The following TWIST2 variants were observed in gnomAD, a reference collection of about 807,000 sequenced individuals.
TWIST2 encodes the protein twist-related protein 2.
TWIST2 carries 1 observed loss-of-function variant against 11.6 expected under a neutral mutation model. The ratio of observed to expected loss-of-function variants is 0.09; its 90% CI spans 0.03 to 0.41. TWIST2 has a LOEUF of 0.41. Ranked by LOEUF, TWIST2 falls within the 10% of genes least tolerant of loss-of-function variation. TWIST2 has a pLI of 0.98. For synonymous variants in TWIST2, 87 were observed against 96.6 expected, an observed-to-expected ratio of 0.90 and a Z score of 0.58; for missense variants, 168 against 226.4, an observed-to-expected ratio of 0.74 and a Z score of 1.66.
At chr2:238,856,157 G>A (rs143838717) in intron 1 of TWIST2, among the ~76,000 whole-genome samples, 16 of 152,240 alleles carry the variant, frequency 1.1e-4, no homozygotes, top group East Asian at 5.8e-4. Flanking sequence ...TTGAGGTCCC[G>A]TCTTGTGTGA....
At chr2:238,899,446 C>G (rs1287782020) in intron 1 of TWIST2, among the ~76,000 whole-genome samples, 3 of 152,320 alleles carry the variant, frequency 2.0e-5, no homozygotes, top group Admixed American at 1.3e-4. Context: ...CCTATTGTTA[C>G]CCTCACTTGG....
chr2:238,853,448 G>GGAGAGAGAGAGAGAGAGAGAGAGAGAGA (rs375821278), intron 1 of TWIST2, among the ~76,000 whole-genome samples: 1 of 130,634 alleles, frequency 7.7e-6, no homozygotes, highest in Non-Finnish European at 1.6e-5. Context: ...AGGGAGAGAT[G>GGAGAGAGAGAGAGAGAGAGAGAGAGAGA]GAGAGAGAGA....
intron 1 of TWIST2, among the ~76,000 whole-genome samples, chr2:238,880,521 T>C (rs1032628497): frequency 1.0e-5 from 1 of 95,576 alleles, no homozygotes; most frequent in Non-Finnish European, 2.1e-5. Context: ...TATTAGTGTG[T>C]TAGTATTGGT....
rs1042274233 is a variant in TWIST2, at chr2:238,864,273, G to C, written c.*35+15540G>C. ...ACACCCCAAGCACGCGACTGTGAGC[G>C]GCGATCGGGGCCTGATCCTCAGTTC... On this transcript the variant is annotated intron_variant, in intron 1 of 1. Transcript: ENST00000612363. This position sits in a 1 kb window ranked among gnomAD's most constrained non-coding sequence, Gnocchi z 4.7. Among the ~76,000 whole-genome samples the C allele has an allele frequency of 1.3e-5, 2 of 152,174 alleles. No homozygotes were observed. The highest frequency in any genetic ancestry group is 2.9e-5 in the Non-Finnish European group (2 of 68,044).
chr2:238,888,696 C>A (rs1693081785), intron 1 of TWIST2, among the ~76,000 whole-genome samples: 1 of 152,160 alleles, frequency 6.6e-6, no homozygotes, highest in Non-Finnish European at 1.5e-5. Context: ...TTGTAGCAAG[C>A]ATTTGGAGAC....
chr2:238,861,032 G>A (rs1418775098), intron 1 of TWIST2, among the ~76,000 whole-genome samples: 1 of 152,188 alleles, frequency 6.6e-6, no homozygotes. Flanking sequence ...CACCAGGGAG[G>A]AGGTGCAAAG....
intron 1 of TWIST2, among the ~76,000 whole-genome samples, chr2:238,897,921 G>A (rs1278276523): frequency 6.6e-6 from 1 of 152,208 alleles, no homozygotes; most frequent in African/African-American, 2.4e-5. Flanking sequence ...GTCTCCATGG[G>A]GCCTGCTGCT....
At chr2:238,856,989 C>G (rs1692343067) in intron 1 of TWIST2, among the ~76,000 whole-genome samples, 1 of 152,184 alleles carries the variant, frequency 6.6e-6, no homozygotes. Flanking sequence ...GGCCGTGTCT[C>G]TGAGGGGCCT....
intron 1 of TWIST2, among the ~76,000 whole-genome samples, chr2:238,892,638 G>A (rs989061958): frequency 2.6e-5 from 2 of 76,506 alleles, no homozygotes; most frequent in Non-Finnish European, 6.4e-5. Flanking sequence ...CCACCACCAC[G>A]CCTGGCTAAT....
chr2:238,896,482 C>T (rs1317472569), intron 1 of TWIST2, among the ~76,000 whole-genome samples: 4 of 152,262 alleles, frequency 2.6e-5, no homozygotes, highest in South Asian at 2.1e-4. Flanking sequence ...GGCACAGAAA[C>T]GTGGGGTGGG....
intron 1 of TWIST2, among the ~76,000 whole-genome samples, chr2:238,906,816 T>G (rs1227164533): frequency 6.6e-6 from 1 of 152,190 alleles, no homozygotes; most frequent in Non-Finnish European, 1.5e-5. Flanking sequence ...CATGCCTGCC[T>G]CTGGGCTGAC....
At chr2:238,870,647 G>C (rs1381758246) in intron 1 of TWIST2, among the ~76,000 whole-genome samples, 3 of 16,630 alleles carry the variant, frequency 1.8e-4, no homozygotes, top group African/African-American at 2.9e-4. Context: ...CACACACACA[G>C]CACACACCAC....
intron 1 of TWIST2, among the ~76,000 whole-genome samples, chr2:238,899,133 C>A (rs1693240792): frequency 6.6e-6 from 1 of 152,264 alleles, no homozygotes; most frequent in Non-Finnish European, 1.5e-5. Context: ...CCTCGGCCTG[C>A]CAAGCCATGT....
rs571852857 is a variant in TWIST2, at chr2:238,854,397, T to G, written c.*35+5664T>G. On this transcript the variant is annotated intron_variant, in intron 1 of 1. Coordinates refer to ENST00000612363, the MANE Select transcript of TWIST2 (RefSeq NM_001271893.4). ...CTGGTGTGCGACTGACGGGAAAGATTTGGGCAAACCCCTTGATTTGTATTA... is the reference window on the plus strand; with the variant it reads ...CTGGTGTGCGACTGACGGGAAAGATGTGGGCAAACCCCTTGATTTGTATTA... 1.4e-4 allele frequency among the ~76,000 whole-genome samples: 21 copies of G among 152,268 alleles called. No homozygotes were observed. In the East Asian group the frequency reaches 1.7e-3, roughly 13 times the overall value.
At position 238,848,654 on chromosome 2, in the gene TWIST2, G is replaced by C. The variant is rs1692179158; in HGVS notation, c.439G>C (p.Val147Leu). 2 of 1,536,654 alleles carry C rather than the reference G, an allele frequency of 1.3e-6. No homozygotes were observed. Among genetic ancestry groups the C allele is most frequent in the Admixed American group, 2.0e-5 (1 of 51,032 alleles). Residue 147 changes from valine to leucine, a missense_variant, in exon 1 of 2, where the codon GTG becomes CTG. Physicochemically the swap from Val to Leu is conservative, Grantham distance 32 (BLOSUM62 1). Around this residue, in one of 3 missense-constraint regions of TWIST2, gnomAD observed 62 missense variants for 75.3 expected, o/e 0.82. Transcript: ENST00000612363. ...CGAGCGCCTCAGCTACGCCTTCTCCGTGTGGCGCATGGAGGGCGCGTGGTC... is the reference window on the plus strand; with the variant it reads ...CGAGCGCCTCAGCTACGCCTTCTCCCTGTGGCGCATGGAGGGCGCGTGGTC... ...AHERLSYAFS[V>L]WRMEGAWSMS...
rs1018544141 is a variant in TWIST2, at chr2:238,864,299, G to A, written c.*35+15566G>A. 6.6e-6 allele frequency among the ~76,000 whole-genome samples: 1 copy of A among 152,212 alleles called. No individual in the cohort carries two copies. The highest frequency in any genetic ancestry group is 2.4e-5 in the African/African-American group (1 of 41,460). On this transcript the variant is annotated intron_variant, in intron 1 of 1. Coordinates refer to ENST00000612363, the MANE Select transcript of TWIST2 (RefSeq NM_001271893.4). This position sits in a 1 kb window ranked among gnomAD's most constrained non-coding sequence, Gnocchi z 4.7. Reference sequence around the variant, plus strand: ...GCGATCGGGGCCTGATCCTCAGTTCGAAGACACAGATGCTCACTGCTGTAG... The same window carrying A: ...GCGATCGGGGCCTGATCCTCAGTTCAAAGACACAGATGCTCACTGCTGTAG...
chr2:238,854,604 G>T (rs148767714), intron 1 of TWIST2, among the ~76,000 whole-genome samples: 2 of 152,248 alleles, frequency 1.3e-5, no homozygotes, highest in Non-Finnish European at 2.9e-5. Context: ...CTTCCCCGTG[G>T]AGAAAAAAAT....
At chr2:238,852,006 C>T (rs1692249761) in intron 1 of TWIST2, among the ~76,000 whole-genome samples, 2 of 152,188 alleles carry the variant, frequency 1.3e-5, no homozygotes, top group African/African-American at 4.8e-5. Context: ...TAGAATACTT[C>T]ACTGAGGTTT....
chr2:238,870,598 C>A (rs1692662685), intron 1 of TWIST2, among the ~76,000 whole-genome samples: 1 of 108,790 alleles, frequency 9.2e-6, no homozygotes, highest in Non-Finnish European at 1.9e-5. Context: ...CCACACACCC[C>A]ACACACACAT....
Sources: gnomAD v4.1 joint callset for allele counts (sites outside exome capture counted in the v4.1 genomes callset) on GRCh38, gnomAD v4.1.1 for gene constraint, gnomAD v4.1.1 regional missense constraint, Gnocchi (gnomAD v3.1) non-coding constraint, MANE v1.5 for transcripts, NCBI Gene and HGNC (gene_info 2026-07-23, HGNC 2026-07-21) for gene names.